Variants in PSEN1 observed in about 807,000 individuals in gnomAD.
PSEN1 encodes presenilin 1.
Under a neutral mutation model 53.5 loss-of-function variants are expected in PSEN1, and 15 were observed. The observed-to-expected ratio is 0.28, with a 90% CI of 0.19 to 0.43. The LOEUF (loss-of-function observed/expected upper bound fraction) is 0.43. PSEN1 is among the 20% of genes least tolerant of loss of function. The probability of loss-of-function intolerance (pLI) is 1.00; values close to 1 mark genes in which losing one functional copy is unlikely to be tolerated. For missense variants in PSEN1, 387 were observed against 571.2 expected (o/e 0.68, Z 3.29); for synonymous variants, 208 against 209.8 (o/e 0.99, Z 0.08).
At chr14:73,218,988 A>T in intron 11 of PSEN1, 146 bp from the exon 12 acceptor site, 2 of 864,754 alleles carry the variant, frequency 2.3e-6, no homozygotes, top group East Asian at 4.9e-5. Flanking sequence ...CTTCTTCCAG[A>T]TTGAATGAAC....
chr14:73,202,419 TATATATATATATATATATA>T (rs765338998), intron 8 of PSEN1, among the ~76,000 whole-genome samples: 1,603 of 20,550 alleles, frequency 0.078, 25 homozygotes, highest in East Asian at 0.18. Flanking sequence ...TATCACATAC[TATATATATATATATATATA>T]TATATATATA....
chr14:73,158,648 G>C (rs1337202963), intron 3 of PSEN1, among the ~76,000 whole-genome samples: 1 of 152,136 alleles, frequency 6.6e-6, no homozygotes, highest in East Asian at 1.9e-4. Context: ...TTTTATAGAA[G>C]ATGGAGTCTT....
rs1278344423 is a variant in PSEN1 at position 73,220,150 on chromosome 14, C to T, written c.*861C>T. On this transcript the variant is annotated 3_prime_UTR_variant, in exon 12 of 12. Transcript: ENST00000324501. ...CTGAATTTGTAGACATACTTGTACG[C>T]TCACTTGCCCCAGATGCCTCCTCTG... is the stretch of plus-strand genomic sequence containing the variant. The T allele has an allele frequency of 6.6e-6, 1 of 152,266 alleles. No individual in the cohort carries two copies. Among genetic ancestry groups the T allele is most frequent in the African/African-American group, 2.4e-5 (1 of 41,460 alleles). 9.4% of individuals were successfully genotyped at this position (152,266 alleles called of 1,614,324 possible).
chr14:73,182,323 G>GAAAAAA lies in PSEN1; in HGVS notation c.481-4523_481-4518dup, dbSNP rs869044994. Among the ~76,000 whole-genome samples the GAAAAAA allele has an allele frequency of 3.5e-5, 5 of 141,044 alleles. No individual in the cohort carries two copies. In the East Asian group the frequency reaches 1.0e-3, roughly 29 times the overall value. 92.5% of individuals were successfully genotyped at this position (141,044 alleles called of 152,430 possible). A position where few individuals can be genotyped will look rare whatever the true frequency, so the allele number is the denominator to read the frequency against. On this transcript the variant is annotated intron_variant, in intron 5 of 11. Coordinates refer to ENST00000324501, the MANE Select transcript of PSEN1 (RefSeq NM_000021.4). Reference sequence around the variant, plus strand: ...AGTGAGACCCCCACCTCTACAAAAAGAAAAAAAAAAAATTAAAAAATTAGC... The same window carrying GAAAAAA: ...AGTGAGACCCCCACCTCTACAAAAAGAAAAAAAAAAAAAAAAAATTAAAAAATTAGC...
chr14:73,151,589 G>A (rs1304674713), intron 3 of PSEN1, among the ~76,000 whole-genome samples: 3 of 151,768 alleles, frequency 2.0e-5, no homozygotes, highest in Admixed American at 6.6e-5. Flanking sequence ...GTAATCTCAC[G>A]CTGTCACCAA....
chr14:73,161,853 C>T (rs920752789), intron 3 of PSEN1, among the ~76,000 whole-genome samples: 1 of 152,022 alleles, frequency 6.6e-6, no homozygotes, highest in Non-Finnish European at 1.5e-5. Flanking sequence ...CTCATGTAAA[C>T]AGCGCAGTGG....
chr14:73,167,234 A>T (rs1897745351), intron 3 of PSEN1, among the ~76,000 whole-genome samples: 1 of 152,152 alleles, frequency 6.6e-6, no homozygotes, highest in Non-Finnish European at 1.5e-5. Context: ...ATGATAACTA[A>T]CCTACTCCTG....
chr14:73,213,592 G>A (rs1236760096), intron 10 of PSEN1, among the ~76,000 whole-genome samples: 1 of 152,148 alleles, frequency 6.6e-6, no homozygotes, highest in African/African-American at 2.4e-5. Flanking sequence ...CTTACCAAAA[G>A]GTTCAGTTGA....
chr14:73,220,773 A>C lies in PSEN1; in HGVS notation c.*1484A>C, dbSNP rs147866042. 9 of 152,266 alleles carry C rather than the reference A, an allele frequency of 5.9e-5. No homozygotes were observed. In the East Asian group the frequency reaches 1.7e-3, roughly 29 times the overall value. 9.4% of individuals were successfully genotyped at this position (152,266 alleles called of 1,614,324 possible). A position where few individuals can be genotyped will look rare whatever the true frequency, so the allele number is the denominator to read the frequency against. On this transcript the variant is annotated 3_prime_UTR_variant, in exon 12 of 12. Coordinates refer to ENST00000324501, the MANE Select transcript of PSEN1 (RefSeq NM_000021.4). ...AGTGGAGGTGCCTGCTGCAGTTACCATGGAGTTCAGGCTCTGGGCAGCTCA... is the reference window on the plus strand; with the variant it reads ...AGTGGAGGTGCCTGCTGCAGTTACCCTGGAGTTCAGGCTCTGGGCAGCTCA...
chr14:73,138,974 A>G (rs1385640814), intron 1 of PSEN1, among the ~76,000 whole-genome samples: 2 of 144,116 alleles, frequency 1.4e-5, no homozygotes, highest in East Asian at 4.2e-4. Context: ...CAAGAAAAAA[A>G]GAAAAAAAAT....
intron 11 of PSEN1, 63 bp from the exon 12 acceptor site, chr14:73,219,067 TTGAG>T: frequency 5.2e-6 from 8 of 1,534,970 alleles, no homozygotes; most frequent in Non-Finnish European, 7.2e-6. Context: ...AGACTTGTGA[TTGAG>T]TTTTGCCTGA....
intron 3 of PSEN1, among the ~76,000 whole-genome samples, chr14:73,166,775 G>A (rs1195754626): frequency 6.6e-6 from 1 of 152,138 alleles, no homozygotes; most frequent in Non-Finnish European, 1.5e-5. Flanking sequence ...AATCTTTCTT[G>A]ATGGGTGGTA....
At chr14:73,160,554 C>G (rs1312786619) in intron 3 of PSEN1, among the ~76,000 whole-genome samples, 1 of 152,126 alleles carries the variant, frequency 6.6e-6, no homozygotes, top group Non-Finnish European at 1.5e-5. Context: ...ACAACTTTAC[C>G]ACCGCTTGTT....
In PSEN1 at chr14:73,221,912, A is replaced by G. The variant is rs552691012; in HGVS notation, c.*2623A>G. 1.3e-5 allele frequency: 2 copies of G among 152,340 alleles called. No homozygotes were observed. The highest frequency in any genetic ancestry group is 2.4e-5 in the African/African-American group (1 of 41,574). 9.4% of individuals were successfully genotyped at this position (152,340 alleles called of 1,614,324 possible). On this transcript the variant is annotated 3_prime_UTR_variant, in exon 12 of 12. Transcript: ENST00000324501. ...TAGAGTCGGGCAAAACCAGCAGTAG[A>G]GTATGACCAGCCAAGCCAATCTGCT...
chr14:73,161,554 A>G (rs1280425226), intron 3 of PSEN1, among the ~76,000 whole-genome samples: 1 of 152,080 alleles, frequency 6.6e-6, no homozygotes, highest in Non-Finnish European at 1.5e-5. Flanking sequence ...AAATTTAGCA[A>G]CAGAAAAAGA....
intron 1 of PSEN1, among the ~76,000 whole-genome samples, chr14:73,143,094 C>T (rs942019346): frequency 2.0e-5 from 3 of 152,184 alleles, no homozygotes; most frequent in Non-Finnish European, 2.9e-5. Flanking sequence ...TCTTTTGCCA[C>T]GCTGCCTGAA....
chr14:73,148,330 C>T (rs1014098745), intron 3 of PSEN1, among the ~76,000 whole-genome samples: 5 of 152,206 alleles, frequency 3.3e-5, no homozygotes, highest in Non-Finnish European at 5.9e-5. Context: ...TCAGTTGAAG[C>T]CTTCTCCAGC....
chr14:73,174,966 G>GA (rs1444569259), intron 5 of PSEN1, among the ~76,000 whole-genome samples: 1 of 152,136 alleles, frequency 6.6e-6, no homozygotes, highest in Non-Finnish European at 1.5e-5. Flanking sequence ...TCATACCTTA[G>GA]AAAAAATTAC....
chr14:73,184,584 A>C (rs1442655678), intron 5 of PSEN1, among the ~76,000 whole-genome samples: 9 of 92,208 alleles, frequency 9.8e-5, no homozygotes, highest in South Asian at 4.1e-4. Flanking sequence ...ACTTCCCAGT[A>C]GGGGCGGCCG....
Sources: gnomAD v4.1 joint callset for allele counts (sites outside exome capture counted in the v4.1 genomes callset) on GRCh38, gnomAD v4.1.1 for gene constraint, MANE v1.5 for transcripts, NCBI Gene and HGNC (gene_info 2026-07-23, HGNC 2026-07-21) for gene names.